ZNF683: variants seen among roughly 807,000 people sequenced by gnomAD.
ZNF683 encodes the protein tissue-resident T-cell transcription regulator protein ZNF683.
ZNF683 carries 20 observed loss-of-function variants against 31.4 expected under a neutral mutation model. The observed-to-expected ratio is 0.64, with a 90% CI of 0.45 to 0.93. ZNF683 has a LOEUF of 0.93. Among genes scored for constraint, ZNF683 ranks in the 40% least tolerant of loss-of-function variants. The probability of loss-of-function intolerance (pLI) is 0.00; values close to 1 mark genes in which losing one functional copy is unlikely to be tolerated. For missense variants in ZNF683, 621 were observed against 637.2 expected (o/e 0.97, Z 0.27); for synonymous variants, 264 against 267.6 (o/e 0.99, Z 0.13).
At chr1:26,363,194 A>G (rs1274975582) in intron 4 of ZNF683, 40 bp from the exon 5 acceptor site, 1 of 1,582,568 alleles carries the variant, frequency 6.3e-7, no homozygotes. Context: ...ACTGCCCAGC[A>G]CCCCTAGCAG....
chr1:26,374,097 C>T (rs576689661), upstream of ZNF683, among the ~76,000 whole-genome samples: 3 of 152,096 alleles, frequency 2.0e-5, no homozygotes, highest in East Asian at 5.8e-4. Flanking sequence ...TCAGTGGCCC[C>T]CTCAGTATCC....
chr1:26,372,752 G>A, upstream of ZNF683: 3 of 1,212,684 alleles, frequency 2.5e-6, no homozygotes, highest in South Asian at 1.5e-5. Flanking sequence ...GAAGACCATG[G>A]TCCTCCCTTT....
At chr1:26,370,568 A>C in intron 1 of ZNF683, 1 of 858,218 alleles carries the variant, frequency 1.2e-6, no homozygotes, top group South Asian at 5.4e-5. Flanking sequence ...AGCCCTCTAA[A>C]ACCCCTTCTC....
rs770058776 is a variant in ZNF683 at position 26,367,811 on chromosome 1, G to A, written c.115-14C>T. 5 of 1,555,694 alleles carry A rather than the reference G, an allele frequency of 3.2e-6. No individual in the cohort carries two copies. The African/African-American group carries it at 6.8e-5, about 21-fold the overall frequency. ...GGCTGAGAAGACCTGGAGGGCAGGG[G>A]CAAGGGGCTTGGGGGCTGGTGACTG... On this transcript the variant is annotated splice_polypyrimidine_tract_variant and intron_variant, in intron 2 of 5. Transcript: ENST00000349618.
At position 26,364,575 on chromosome 1, in the gene ZNF683, C is replaced by T. The variant is rs142754209; in HGVS notation, c.971G>A (p.Cys324Tyr). 2.5e-6 allele frequency: 4 copies of T among 1,613,980 alleles called. No homozygotes were observed. Among genetic ancestry groups the T allele is most frequent in the Middle Eastern group, 1.6e-4 (1 of 6,062 alleles). The part of the protein sequence containing the change: ...KKKNGKILYE[C>Y]NICGKSFGQL... The stretch of plus-strand genomic sequence containing the variant: ...CCCAAAGCTCTTGCCACATATGTTG[C>T]ACTCGTACAGGATTTTGCCATTCTT... The change falls in exon 4 of 6, where the codon TGC becomes TAC. Residue 324 changes from cysteine to tyrosine, a missense_variant. By Grantham distance (194) the Cys-to-Tyr change is radical. Coordinates refer to ENST00000349618, the MANE Select transcript of ZNF683 (RefSeq NM_001114759.3).
At chr1:26,367,469 G>T in intron 3 of ZNF683, 124 bp downstream of exon 3, 1 of 1,087,918 alleles carries the variant, frequency 9.2e-7, no homozygotes, top group Non-Finnish European at 1.3e-6. Context: ...GAAGTAAAGT[G>T]TGCCTAAGCT....
At chr1:26,369,815 T>A (rs964455183) in intron 1 of ZNF683, among the ~76,000 whole-genome samples, 2 of 151,346 alleles carry the variant, frequency 1.3e-5, no homozygotes, top group African/African-American at 4.9e-5. Flanking sequence ...AGCAACAGAG[T>A]GAGACTCGGT....
At chr1:26,374,408 C>A (rs767425274), upstream of ZNF683, 1 of 1,241,296 alleles carries the variant, frequency 8.1e-7, no homozygotes, top group Non-Finnish European at 1.1e-6. Context: ...TTCCAGGTCT[C>A]CAATCCTGAA....
intron 1 of ZNF683, among the ~76,000 whole-genome samples, 200 bp from the exon 2 acceptor site, chr1:26,368,785 C>G (rs980411882): frequency 2.0e-5 from 3 of 152,206 alleles, no homozygotes; most frequent in African/African-American, 7.2e-5. Flanking sequence ...CATTTAGAAG[C>G]CAGTGATGCT....
upstream of ZNF683, chr1:26,374,486 G>A (rs1015176415): frequency 6.9e-5 from 79 of 1,140,982 alleles, no homozygotes; most frequent in Middle Eastern, 7.7e-4. Flanking sequence ...AGGTTCCCAC[G>A]TGGAGAAGCC....
upstream of ZNF683, among the ~76,000 whole-genome samples, chr1:26,374,086 C>T (rs79556900): frequency 0.025 from 3,833 of 151,890 alleles, 137 homozygotes; most frequent in African/African-American, 0.087. Context: ...CCCCCAACTC[C>T]TCAGTGGCCC....
rs1258551013 is a variant in ZNF683, at chr1:26,365,173, CT to C, written c.372del (p.Val125SerfsTer113). 3.1e-6 allele frequency: 5 copies of C among 1,610,252 alleles called. No homozygotes were observed. In the East Asian group the frequency reaches 1.1e-4, roughly 36 times the overall value. The part of the protein sequence containing the change: ...QASSTDDKKF[T>X]VKYPQNKDKL... ...TTGTCCTTGTTCTGTGGGTACTTGA[CT>C]GTGAATTTCTTGTCATCGGTGGAGC... On this transcript the variant is annotated frameshift_variant, in exon 4 of 6. Transcript: ENST00000349618. LOFTEE classifies it high-confidence loss of function.
At chr1:26,365,553 G>A (rs143066077) in intron 3 of ZNF683, among the ~76,000 whole-genome samples, 1 of 152,290 alleles carries the variant, frequency 6.6e-6, no homozygotes, top group African/African-American at 2.4e-5. Context: ...GGCAGCCACT[G>A]GATGCATGAC....
chr1:26,367,550 A>G (rs916760685), intron 3 of ZNF683, 43 bp downstream of exon 3: 1 of 1,491,598 alleles, frequency 6.7e-7, no homozygotes, highest in Non-Finnish European at 9.0e-7. Context: ...CCCACCCTCC[A>G]GCCTCTGCCA....
At chr1:26,368,654 G>T (rs2074590496) in intron 1 of ZNF683, 69 bp from the exon 2 acceptor site, 8 of 1,469,958 alleles carry the variant, frequency 5.4e-6, no homozygotes, top group Non-Finnish European at 7.2e-6. Flanking sequence ...TCTAGGACTG[G>T]CTCTCCCATT....
intron 3 of ZNF683, among the ~76,000 whole-genome samples, chr1:26,366,420 C>T (rs1242490778): frequency 6.6e-6 from 1 of 151,474 alleles, no homozygotes; most frequent in Non-Finnish European, 1.5e-5. Flanking sequence ...TCTCACTGAG[C>T]CGTTTCACTC....
At chr1:26,370,541 C>A in intron 1 of ZNF683, 4 of 617,920 alleles carry the variant, frequency 6.5e-6, no homozygotes, top group Non-Finnish European at 8.1e-6. Flanking sequence ...ACCCTAAGAC[C>A]CTCACTCCAG....
In ZNF683 at chr1:26,361,871, G is replaced by A; in HGVS notation, c.1295C>T (p.Pro432Leu). 2 of 1,614,030 alleles carry A rather than the reference G, an allele frequency of 1.2e-6. No homozygotes were observed. The highest frequency in any genetic ancestry group is 1.7e-6 in the Non-Finnish European group (2 of 1,179,902). Residue 432 changes from proline to leucine, a missense_variant, in exon 6 of 6, where the codon CCC (proline) becomes CTC (leucine). Pro to Leu is a moderately conservative substitution (Grantham distance 98). Coordinates refer to ENST00000349618, the MANE Select transcript of ZNF683 (RefSeq NM_001114759.3). Reference protein sequence around the residue: ...KLHHRLHAPQPCGLVHTQLPL... With the variant: ...KLHHRLHAPQLCGLVHTQLPL... The stretch of plus-strand genomic sequence containing the variant: ...CAGCTGGGTGTGCACCAGGCCACAG[G>A]GCTGTGGGGCATGCAGCCGATGGTG...
intron 5 of ZNF683, among the ~76,000 whole-genome samples, chr1:26,362,694 A>G (rs11581153): frequency 0.094 from 14,224 of 152,114 alleles, 701 homozygotes; most frequent in Middle Eastern, 0.11. Flanking sequence ...AGAAGGAGGG[A>G]GCTGACATCA....
Sources: gnomAD v4.1 joint callset for allele counts (sites outside exome capture counted in the v4.1 genomes callset) on GRCh38, gnomAD v4.1.1 for gene constraint, MANE v1.5 for transcripts, NCBI Gene and HGNC (gene_info 2026-07-23, HGNC 2026-07-21) for gene names.